SPG21: variants seen among roughly 807,000 people sequenced by gnomAD.
The protein encoded by SPG21 is SPG21 abhydrolase domain containing, maspardin.
In SPG21, 26 loss-of-function variants were observed where a neutral mutation model predicts 38.9. The observed-to-expected ratio is 0.67, with a 90% CI of 0.49 to 0.93. SPG21 has a LOEUF of 0.93. SPG21 is among the 40% of genes least tolerant of loss of function. SPG21 has a pLI of 0.00. For missense variants in SPG21, 333 were observed against 376.5 expected (o/e 0.88, Z 0.96); for synonymous variants, 136 against 128.9 (o/e 1.05, Z -0.37).
intron 3 of SPG21, 87 bp from the exon 4 acceptor site, chr15:64,976,642 T>C: frequency 1.1e-6 from 1 of 932,688 alleles, no homozygotes; most frequent in Non-Finnish European, 1.7e-6. Flanking sequence ...ACTCAAACAC[T>C]GACATTTCTC....
At chr15:64,971,180 C>G (rs539475132) in intron 5 of SPG21, among the ~76,000 whole-genome samples, 1 of 152,308 alleles carries the variant, frequency 6.6e-6, no homozygotes, top group East Asian at 1.9e-4. Context: ...ACCTTGGCCT[C>G]CCGAGTAGCT....
intron 5 of SPG21, among the ~76,000 whole-genome samples, chr15:64,973,697 C>T (rs1273849800): frequency 6.6e-6 from 1 of 152,086 alleles, no homozygotes; most frequent in African/African-American, 2.4e-5. Flanking sequence ...GATCCGGCCG[C>T]CTCGGCCTCC....
chr15:64,965,511 C>T (rs1276468442), intron 7 of SPG21, 51 bp from the exon 8 acceptor site: 8 of 1,612,062 alleles, frequency 5.0e-6, no homozygotes, highest in Non-Finnish European at 6.8e-6. Flanking sequence ...AACACACACA[C>T]ACATACAGAA....
chr15:64,984,243 C>T (rs2085943039), intron 1 of SPG21, among the ~76,000 whole-genome samples: 1 of 152,224 alleles, frequency 6.6e-6, no homozygotes, highest in African/African-American at 2.4e-5. Flanking sequence ...TCTTAGTTCT[C>T]AACTGCAGTA....
chr15:64,978,015 T>C (rs1030584930), intron 3 of SPG21, among the ~76,000 whole-genome samples: 1 of 151,580 alleles, frequency 6.6e-6, no homozygotes, highest in African/African-American at 2.4e-5. Flanking sequence ...GTATTTTTAG[T>C]AGAGACGGGG....
Position 64,963,082 on chromosome 15 carries a change from C to T in SPG21, c.*538G>A, listed in dbSNP as rs2085479613. On this transcript the variant is annotated 3_prime_UTR_variant, in exon 9 of 9. Coordinates refer to ENST00000204566, the MANE Select transcript of SPG21 (RefSeq NM_016630.7). ...ATCTAGAAAGGCAGTAGCTAACACT[C>T]AAAACAATTTGTTTAAGTGTAAATT... The T allele has an allele frequency of 6.5e-6, 1 of 153,162 alleles. No homozygotes were observed. Among genetic ancestry groups the T allele is most frequent in the Non-Finnish European group, 1.5e-5 (1 of 68,572 alleles). The allele number at this position is 153,162 out of a possible 1,614,324, so 9.5% of individuals were successfully genotyped here.
intron 4 of SPG21, among the ~76,000 whole-genome samples, chr15:64,975,734 G>A (rs887209217): frequency 2.0e-5 from 3 of 151,986 alleles, no homozygotes; most frequent in African/African-American, 7.3e-5. Context: ...CTGATGAATC[G>A]TTAAACAAGA....
chr15:64,989,025 C>G (rs2086060611), intron 1 of SPG21: 2 of 149,944 alleles, frequency 1.3e-5, no homozygotes, highest in African/African-American at 4.9e-5. Flanking sequence ...TTTGTTGAAT[C>G]TTTGTGCCAA....
At position 64,978,617 on chromosome 15, in the gene SPG21, T is replaced by C. The variant is rs113833629; in HGVS notation, c.226-2062A>G. Reference sequence around the variant, plus strand: ...TGTATGACTTTCATTATTAAAATTCTATTTGTGGATAAGACTTCCACCATT... The same window carrying C: ...TGTATGACTTTCATTATTAAAATTCCATTTGTGGATAAGACTTCCACCATT... On this transcript the variant is annotated intron_variant, in intron 3 of 8. Coordinates refer to ENST00000204566, the MANE Select transcript of SPG21 (RefSeq NM_016630.7). 7.7e-3 allele frequency among the ~76,000 whole-genome samples: 1,173 copies of C among 152,348 alleles called. 8 individuals are homozygous for C. The highest frequency in any genetic ancestry group is 0.02 in the South Asian group (96 of 4,830).
chr15:64,982,254 C>T (rs2085900201), intron 2 of SPG21, among the ~76,000 whole-genome samples: 1 of 150,168 alleles, frequency 6.7e-6, no homozygotes, highest in South Asian at 2.1e-4. Flanking sequence ...AAGCAATCCT[C>T]CCATCTCAGC....
chr15:64,967,837 G>A (rs2085573914), intron 7 of SPG21, among the ~76,000 whole-genome samples: 1 of 152,020 alleles, frequency 6.6e-6, no homozygotes, highest in Non-Finnish European at 1.5e-5. Context: ...GAATTCCTGG[G>A]CTCAAGCAAT....
intron 7 of SPG21, among the ~76,000 whole-genome samples, chr15:64,968,859 A>G (rs8023435): frequency 0.047 from 7,180 of 152,120 alleles, 589 homozygotes; most frequent in African/African-American, 0.16. Flanking sequence ...AAATACATCA[A>G]ATGGGTAGAC....
At chr15:64,986,465 C>T (rs2140454729) in intron 1 of SPG21, among the ~76,000 whole-genome samples, 1 of 152,170 alleles carries the variant, frequency 6.6e-6, no homozygotes, top group East Asian at 1.9e-4. Context: ...GCAGGTGGAT[C>T]ACCTGAGGTG....
At position 64,968,469 on chromosome 15, in the gene SPG21, A is replaced by G. The variant is rs7183529; in HGVS notation, c.669+786T>C. Among the ~76,000 whole-genome samples, 581 of 152,252 alleles carry G rather than the reference A, an allele frequency of 3.8e-3. 2 individuals are homozygous for G. Among genetic ancestry groups the G allele is most frequent in the African/African-American group, 0.013 (548 of 41,566 alleles). ...GGATAAATGTTGTATGATTCTACTTATATGAGGTTCTAGAATAGGTAAATT... is the reference window on the plus strand; with the variant it reads ...GGATAAATGTTGTATGATTCTACTTGTATGAGGTTCTAGAATAGGTAAATT... On this transcript the variant is annotated intron_variant, in intron 7 of 8. Transcript: ENST00000204566.
chr15:64,983,640 A>T, intron 1 of SPG21, 47 bp from the exon 2 acceptor site: 1 of 1,170,812 alleles, frequency 8.5e-7, no homozygotes, highest in South Asian at 1.3e-5. Context: ...TCATGTTTAC[A>T]TCAGAACTAA....
In SPG21 at chr15:64,980,831, A is replaced by T. The variant is rs970835311; in HGVS notation, c.225+33T>A. On this transcript the variant is annotated intron_variant, in intron 3 of 8. Transcript: ENST00000204566. ...GCATAAAAAAAAAAAAACACACAAA[A>T]CGTGGGTCTGAATTTTAATCAGTAA... 16 of 1,612,320 alleles carry T rather than the reference A, an allele frequency of 9.9e-6. No individual in the cohort carries two copies. In the African/African-American group the frequency reaches 2.0e-4, roughly 20 times the overall value.
intron 5 of SPG21, among the ~76,000 whole-genome samples, chr15:64,973,045 C>G (rs1011102316): frequency 6.6e-6 from 1 of 152,088 alleles, no homozygotes. Context: ...CTCACTGCAG[C>G]CTTGAACTCT....
intron 3 of SPG21, among the ~76,000 whole-genome samples, chr15:64,979,749 A>G (rs2140438329): frequency 6.6e-6 from 1 of 151,222 alleles, no homozygotes; most frequent in East Asian, 1.9e-4. Context: ...TGGGAGTACC[A>G]CTTACAAGTG....
At chr15:64,967,575 G>C (rs2085567597) in intron 7 of SPG21, among the ~76,000 whole-genome samples, 1 of 151,800 alleles carries the variant, frequency 6.6e-6, no homozygotes, top group South Asian at 2.1e-4. Context: ...CCAGATTCAA[G>C]CAATTCTCCT....
Sources: gnomAD v4.1 joint callset for allele counts (sites outside exome capture counted in the v4.1 genomes callset) on GRCh38, gnomAD v4.1.1 for gene constraint, MANE v1.5 for transcripts, NCBI Gene and HGNC (gene_info 2026-07-23, HGNC 2026-07-21) for gene names.